Variants in TRAPPC3 observed in about 807,000 individuals in gnomAD.
TRAPPC3 encodes the protein trafficking protein particle complex subunit 3.
In TRAPPC3, 5 loss-of-function variants were observed where a neutral mutation model predicts 18.2. That is an observed-to-expected ratio of 0.28 (90% confidence interval 0.14 to 0.58). The LOEUF (loss-of-function observed/expected upper bound fraction) is 0.58, where lower values mean the gene tolerates loss of function less well. Among genes scored for constraint, TRAPPC3 ranks in the 20% least tolerant of loss-of-function variants. TRAPPC3 has a pLI of 0.91. For synonymous variants in TRAPPC3, 65 were observed against 84.2 expected, an observed-to-expected ratio of 0.77 and a Z score of 1.25; for missense variants, 176 against 225.9, an observed-to-expected ratio of 0.78 and a Z score of 1.41.
upstream of TRAPPC3, among the ~76,000 whole-genome samples, chr1:36,151,625 C>A (rs183618019): frequency 4.3e-4 from 66 of 152,130 alleles, 1 homozygote; most frequent in African/African-American, 1.4e-3. Context: ...ACAACAACAA[C>A]AACAACAAAA....
upstream of TRAPPC3, chr1:36,149,551 C>T (rs1276369794): frequency 2.7e-6 from 2 of 738,534 alleles, no homozygotes; most frequent in Non-Finnish European, 4.5e-6. Context: ...CCGACGTGGG[C>T]AACTCCCGCC....
At chr1:36,152,455 G>A (rs1050304916), upstream of TRAPPC3, among the ~76,000 whole-genome samples, 1 of 151,574 alleles carries the variant, frequency 6.6e-6, no homozygotes, top group Non-Finnish European at 1.5e-5. Context: ...CTACAGGCAT[G>A]TGCCACCATG....
chr1:36,137,523 C>A, intron 4 of TRAPPC3: 1 of 639,742 alleles, frequency 1.6e-6, no homozygotes, highest in Non-Finnish European at 2.7e-6. Flanking sequence ...CAAAGAATAC[C>A]CAAGAATGAG....
At chr1:36,152,651 T>C (rs968605323), upstream of TRAPPC3, among the ~76,000 whole-genome samples, 1 of 151,674 alleles carries the variant, frequency 6.6e-6, no homozygotes, top group Non-Finnish European at 1.5e-5. Flanking sequence ...AGATTTTTTT[T>C]ACTATCTTTT....
At chr1:36,152,607 G>A (rs1323235925), upstream of TRAPPC3, among the ~76,000 whole-genome samples, 2 of 151,666 alleles carry the variant, frequency 1.3e-5, no homozygotes. Flanking sequence ...ACCCCCGCCT[G>A]GCCAAAAATT....
chr1:36,150,519 A>G (rs1644260396), upstream of TRAPPC3, among the ~76,000 whole-genome samples: 1 of 152,162 alleles, frequency 6.6e-6, no homozygotes, highest in Non-Finnish European at 1.5e-5. Flanking sequence ...TGACTGTAGC[A>G]GCTGCATTCT....
intron 1 of TRAPPC3, among the ~76,000 whole-genome samples, chr1:36,147,166 A>G (rs1293337983): frequency 2.6e-5 from 4 of 151,926 alleles, no homozygotes; most frequent in Non-Finnish European, 5.9e-5. Flanking sequence ...ACCTGGGAAT[A>G]CAAAAATTAG....
chr1:36,147,574 G>A (rs888879038), intron 1 of TRAPPC3, among the ~76,000 whole-genome samples: 3 of 152,054 alleles, frequency 2.0e-5, no homozygotes, highest in Non-Finnish European at 4.4e-5. Context: ...AACTCGGGAG[G>A]TCAGGCTGGA....
chr1:36,154,343 C>CCCATCCATCCATCCATCCATCT (rs1644294572), upstream of TRAPPC3, among the ~76,000 whole-genome samples: 3 of 152,230 alleles, frequency 2.0e-5, no homozygotes, highest in South Asian at 6.2e-4. Flanking sequence ...TCTCGCGACT[C>CCCATCCATCCATCCATCCATCT]CCATCCATCC....
Position 36,139,825 on chromosome 1 carries a change from A to G in TRAPPC3, c.141-6T>C. 6.2e-7 allele frequency: 1 copy of G among 1,614,092 alleles called. No homozygotes were observed. Among genetic ancestry groups the G allele is most frequent in the Non-Finnish European group, 8.5e-7 (1 of 1,180,008 alleles). The stretch of plus-strand genomic sequence containing the variant: ...GGACTCCAATGTTAAAGCCCCTGGG[A>G]AGGAAGTTAGAGAAGAGACTATGAT... On this transcript the variant is annotated splice_polypyrimidine_tract_variant and splice_region_variant and intron_variant, in intron 2 of 4. Transcript: ENST00000373166.
At chr1:36,138,017 G>A in intron 3 of TRAPPC3, 39 bp from the exon 4 acceptor site, 1 of 1,611,018 alleles carries the variant, frequency 6.2e-7, no homozygotes, top group Non-Finnish European at 8.5e-7. Context: ...GGGAAGAGCA[G>A]CAGGAACTGT....
chr1:36,150,180 C>A (rs2231303), upstream of TRAPPC3, among the ~76,000 whole-genome samples: 1 of 152,172 alleles, frequency 6.6e-6, no homozygotes, highest in Admixed American at 6.5e-5. Context: ...AGTTCTAATC[C>A]CAGCTTTGCC....
At chr1:36,137,615 T>G in intron 4 of TRAPPC3, 181 bp downstream of exon 4, 1 of 696,472 alleles carries the variant, frequency 1.4e-6, no homozygotes. Flanking sequence ...CAGCCTGGTA[T>G]GGAGGAGTAT....
chr1:36,137,424 G>T (rs1644041586), intron 4 of TRAPPC3, 102 bp from the exon 5 acceptor site: 9 of 1,267,316 alleles, frequency 7.1e-6, no homozygotes, highest in African/African-American at 1.5e-5. Context: ...ATCCAAAAAA[G>T]GGGGGCTGGT....
At chr1:36,142,801 A>G (rs1033891) in intron 1 of TRAPPC3, among the ~76,000 whole-genome samples, 117,510 of 151,822 alleles carry the variant, frequency 0.77, 45,829 homozygotes, top group African/African-American at 0.83. Flanking sequence ...AGGCTGAGGC[A>G]GAAGGATCAC....
At chr1:36,151,041 G>A (rs571409582), upstream of TRAPPC3, among the ~76,000 whole-genome samples, 95 of 152,344 alleles carry the variant, frequency 6.2e-4, 3 homozygotes, top group South Asian at 0.019. Context: ...TCTAGAGAGA[G>A]TGGAGGTGGA....
At chr1:36,141,196 T>C (rs572544688) in intron 1 of TRAPPC3, among the ~76,000 whole-genome samples, 1 of 151,970 alleles carries the variant, frequency 6.6e-6, no homozygotes, top group South Asian at 2.1e-4. Flanking sequence ...TACCAAGAAA[T>C]TGATGTAAAA....
intron 3 of TRAPPC3, among the ~76,000 whole-genome samples, chr1:36,138,893 G>C (rs573582872): frequency 6.6e-6 from 1 of 151,558 alleles, no homozygotes; most frequent in South Asian, 2.1e-4. Context: ...AAAATTAGCC[G>C]GGCATGGTGG....
rs1644034459 is a variant in TRAPPC3, at chr1:36,136,996, CAG to C, written c.*205_*206del. The C allele has an allele frequency of 1.1e-5, 5 of 473,952 alleles. No individual in the cohort carries two copies. In the Admixed American group the frequency reaches 1.8e-4, roughly 17 times the overall value. 29.4% of individuals were successfully genotyped at this position (473,952 alleles called of 1,614,324 possible). On this transcript the variant is annotated 3_prime_UTR_variant, in exon 5 of 5. Coordinates refer to ENST00000373166, the MANE Select transcript of TRAPPC3 (RefSeq NM_014408.5). ...CCAGCCCCTCTCAAGGGAATGGGGG[CAG>C]AGACTGTCGCTCCTGAATGTGCACA... is the stretch of plus-strand genomic sequence containing the variant.
Sources: allele counts gnomAD v4.1 joint callset (sites outside exome capture counted in the v4.1 genomes callset), GRCh38; gene constraint gnomAD v4.1.1; transcripts MANE v1.5; gene names NCBI Gene and HGNC (gene_info 2026-07-23, HGNC 2026-07-21).